ANXA8: variants seen among roughly 807,000 people sequenced by gnomAD.
ANXA8 encodes the protein annexin A8.
Under a neutral mutation model 26.8 loss-of-function variants are expected in ANXA8, and 9 were observed. The ratio of observed to expected loss-of-function variants is 0.34; its 90% CI spans 0.20 to 0.59. The LOEUF (loss-of-function observed/expected upper bound fraction) is 0.59, where lower values mean the gene tolerates loss of function less well. Ranked by LOEUF, ANXA8 falls within the 20% of genes least tolerant of loss-of-function variation. The pLI, the probability that ANXA8 is intolerant of heterozygous loss-of-function variation, is 0.84. For missense variants in ANXA8, 83 were observed against 238.5 expected (o/e 0.35, Z 4.29); for synonymous variants, 39 against 94.8 (o/e 0.41, Z 3.42).
the ANXA8 span, among the ~76,000 whole-genome samples, chr10:47,628,194 A>G: frequency 6.6e-6 from 1 of 151,526 alleles, no homozygotes; most frequent in East Asian, 1.9e-4. Context: ...CAATTTTAAT[A>G]AAGGTCAAAG....
At chr10:47,743,376 ATATGTG>A in the ANXA8 span, among the ~76,000 whole-genome samples, 1 of 41,104 alleles carries the variant, frequency 2.4e-5, no homozygotes, top group African/African-American at 7.5e-5. Context: ...ATATACATAT[ATATGTG>A]TGTGTGTGTG....
At chr10:47,940,559 G>A in the ANXA8 span, among the ~76,000 whole-genome samples, 1 of 146,668 alleles carries the variant, frequency 6.8e-6, no homozygotes, top group Admixed American at 6.7e-5. Flanking sequence ...GCCGGGCATG[G>A]TGGCTCACAC....
the ANXA8 span, among the ~76,000 whole-genome samples, chr10:47,655,749 G>A: frequency 6.6e-6 from 1 of 151,998 alleles, no homozygotes; most frequent in East Asian, 1.9e-4. Context: ...GGCCGGGCAA[G>A]GTGGCTCATG....
At chr10:47,646,911 G>A in the ANXA8 span, among the ~76,000 whole-genome samples, 1 of 152,092 alleles carries the variant, frequency 6.6e-6, no homozygotes, top group Non-Finnish European at 1.5e-5. Context: ...GCCACCTAGC[G>A]GTGATTTAGT....
the ANXA8 span, among the ~76,000 whole-genome samples, chr10:47,943,521 C>T: frequency 2.3e-4 from 33 of 145,824 alleles, no homozygotes; most frequent in East Asian, 4.2e-4. Context: ...ACTCATGGGG[C>T]GGGGAGTGGG....
chr10:47,644,923 A>G, the ANXA8 span, among the ~76,000 whole-genome samples: 4 of 151,650 alleles, frequency 2.6e-5, no homozygotes, highest in African/African-American at 7.3e-5. Flanking sequence ...ATAATTTACC[A>G]AATTATTCCA....
At chr10:47,681,027 A>G in the ANXA8 span, among the ~76,000 whole-genome samples, 1 of 150,614 alleles carries the variant, frequency 6.6e-6, no homozygotes, top group African/African-American at 2.4e-5. Flanking sequence ...GATTTCCTAC[A>G]TGCCAGTACT....
At chr10:47,503,358 CT>C in the ANXA8 span, 1 of 1,608,824 alleles carries the variant, frequency 6.2e-7, no homozygotes, top group Non-Finnish European at 8.5e-7. Flanking sequence ...CACTCCCTTT[CT>C]CAGATGTAAA....
chr10:47,768,337 T>C, the ANXA8 span, among the ~76,000 whole-genome samples: 1 of 151,470 alleles, frequency 6.6e-6, no homozygotes, highest in Admixed American at 6.6e-5. Flanking sequence ...CAATGAGCCA[T>C]AAGAGGGCAG....
the ANXA8 span, among the ~76,000 whole-genome samples, chr10:47,684,484 C>G: frequency 6.6e-6 from 1 of 151,920 alleles, no homozygotes; most frequent in Non-Finnish European, 1.5e-5. Flanking sequence ...TTGTTTAGAC[C>G]AAGCTTGTTC....
the ANXA8 span, among the ~76,000 whole-genome samples, chr10:47,618,868 T>G: frequency 2.6e-5 from 3 of 114,530 alleles, 1 homozygote; most frequent in African/African-American, 1.0e-4. Context: ...CCATGTGGCC[T>G]TAGGTATCTT....
At chr10:47,560,409 T>C in the ANXA8 span, among the ~76,000 whole-genome samples, 1 of 151,756 alleles carries the variant, frequency 6.6e-6, no homozygotes, top group South Asian at 2.1e-4. Flanking sequence ...GAAATACTAG[T>C]TCTTAATTAA....
chr10:47,682,993 C>G, the ANXA8 span, among the ~76,000 whole-genome samples: 6 of 152,222 alleles, frequency 3.9e-5, no homozygotes, highest in Non-Finnish European at 5.9e-5. Context: ...ATACCAAAGA[C>G]AATTGCAAAG....
chr10:47,521,936 A>G, the ANXA8 span, among the ~76,000 whole-genome samples: 1 of 149,924 alleles, frequency 6.7e-6, no homozygotes, highest in Non-Finnish European at 1.5e-5. Context: ...ATGCGCCACT[A>G]CGCCCAGCTA....
chr10:47,613,218 C>CAAGGAG, the ANXA8 span, among the ~76,000 whole-genome samples: 10 of 149,416 alleles, frequency 6.7e-5, no homozygotes, highest in Non-Finnish European at 1.2e-4. Context: ...ATGTGTAACT[C>CAAGGAG]AAGGAGAAGC....
At chr10:47,559,142 C>CTTTTTTTTTTTTTTTTTTTTT in the ANXA8 span, among the ~76,000 whole-genome samples, 34 of 73,308 alleles carry the variant, frequency 4.6e-4, 2 homozygotes, top group East Asian at 7.2e-4. Context: ...TGGAGTCTTA[C>CTTTTTTTTTTTTTTTTTTTTT]TTTTTTTTTT....
the ANXA8 span, among the ~76,000 whole-genome samples, chr10:47,771,986 G>C: frequency 6.6e-6 from 1 of 151,736 alleles, no homozygotes. Flanking sequence ...AAGAAGATTT[G>C]CTTTCGTATT....
the ANXA8 span, among the ~76,000 whole-genome samples, chr10:47,560,478 T>C: frequency 6.6e-6 from 1 of 151,752 alleles, no homozygotes; most frequent in Admixed American, 6.6e-5. Context: ...AAGGTTTAAG[T>C]CATTTGTTCA....
the ANXA8 span, among the ~76,000 whole-genome samples, chr10:47,707,463 T>G: frequency 7.0e-6 from 1 of 143,452 alleles, no homozygotes; most frequent in Non-Finnish European, 1.6e-5. Context: ...CATAGCTCAC[T>G]GCAGCCTCAA....
Sources: gnomAD v4.1 joint callset for allele counts (sites outside exome capture counted in the v4.1 genomes callset) on GRCh38, gnomAD v4.1.1 for gene constraint, MANE v1.5 for transcripts, NCBI Gene and HGNC (gene_info 2026-07-23, HGNC 2026-07-21) for gene names.